The following TMPRSS3 variants were observed in gnomAD, a reference collection of about 807,000 sequenced individuals.
TMPRSS3 encodes transmembrane serine protease 3, also known as transmembrane protease serine 3.
In TMPRSS3, 55 loss-of-function variants were observed where a neutral mutation model predicts 59.6. The observed-to-expected ratio is 0.92, with a 90% CI of 0.74 to 1.16. The LOEUF is 1.16. Among genes scored for constraint, TMPRSS3 ranks in the 50% most tolerant of loss-of-function variants. The pLI is 0.00. For synonymous variants in TMPRSS3, 257 were observed against 237.7 expected, an observed-to-expected ratio of 1.08 and a Z score of -0.75; for missense variants, 596 against 579.4, an observed-to-expected ratio of 1.03 and a Z score of -0.29.
rs145109634 is a variant in TMPRSS3 at position 42,383,997 on chromosome 21, C to G, written c.589G>C (p.Gly197Arg). 1 of 1,614,036 alleles carries G rather than the reference C, an allele frequency of 6.2e-7. No individual in the cohort carries two copies. Among genetic ancestry groups the G allele is most frequent in the African/African-American group, 1.3e-5 (1 of 74,998 alleles). The change falls in exon 7 of 13, where the codon GGC becomes CGC. Residue 197 changes from glycine to arginine, a missense_variant. By Grantham distance (125) the Gly-to-Arg change is moderately radical. Transcript: ENST00000644384. The part of the protein sequence containing the change: ...SVYVREGCAS[G>R]HVVTLQCTAC... ...GTGCACTGCAAGGTAACCACGTGGC[C>G]AGAGGCACATCCCTCCCTAAAGCGG...
chr21:42,376,895 G>A (rs1181901689), intron 10 of TMPRSS3, among the ~76,000 whole-genome samples: 3 of 152,158 alleles, frequency 2.0e-5, no homozygotes, highest in Admixed American at 1.3e-4. Flanking sequence ...GCCCTCCTAC[G>A]AGTGGCCGCA....
intron 9 of TMPRSS3, among the ~76,000 whole-genome samples, chr21:42,380,719 G>T (rs576662739): frequency 2.6e-5 from 4 of 152,334 alleles, no homozygotes; most frequent in African/African-American, 9.6e-5. Context: ...TATGGTTCCT[G>T]GGATATCTGG....
At chr21:42,381,505 C>T (rs1299435701) in intron 9 of TMPRSS3, among the ~76,000 whole-genome samples, 1 of 152,232 alleles carries the variant, frequency 6.6e-6, no homozygotes, top group African/African-American at 2.4e-5. Flanking sequence ...CCACAATAGG[C>T]TCCTGGACAG....
At chr21:42,390,239 G>A in intron 2 of TMPRSS3, 1 of 596,978 alleles carries the variant, frequency 1.7e-6, no homozygotes, top group Non-Finnish European at 3.0e-6. Flanking sequence ...CTCTGACCCG[G>A]TTATTCCATG....
rs1488926621 is a variant in TMPRSS3, at chr21:42,388,636, C to T, written c.323-110G>A. Reference sequence around the variant, plus strand: ...AACCCCTCCTCTGCCAAATCTGACCCACTTCTTGTCCACGGCAGCCTCCCC... The same window carrying T: ...AACCCCTCCTCTGCCAAATCTGACCTACTTCTTGTCCACGGCAGCCTCCCC... On this transcript the variant is annotated intron_variant, in intron 4 of 12. Coordinates refer to ENST00000644384, the MANE Select transcript of TMPRSS3 (RefSeq NM_001256317.3). This position sits in a 1 kb window ranked among gnomAD's most constrained non-coding sequence, Gnocchi z 5.1. 12 of 1,512,470 alleles carry T rather than the reference C, an allele frequency of 7.9e-6. No homozygotes were observed. The East Asian group carries it at 2.7e-4, about 34-fold the overall frequency. The allele number at this position is 1,512,470 out of a possible 1,614,324, so 93.7% of individuals were successfully genotyped here. A position where few individuals can be genotyped will look rare whatever the true frequency, so the allele number is the denominator to read the frequency against.
rs753888106 is a variant in TMPRSS3 at position 42,388,800 on chromosome 21, C to T, written c.322+129G>A. ...GCCCAACATGTCTTTGGGCAAACGCCAGTTCAATCCCAGCTGAAGACATGA... is the reference window on the plus strand; with the variant it reads ...GCCCAACATGTCTTTGGGCAAACGCTAGTTCAATCCCAGCTGAAGACATGA... On this transcript the variant is annotated intron_variant, in intron 4 of 12. Transcript: ENST00000644384. The surrounding 1 kb of genome is among the most constrained non-coding windows in gnomAD (Gnocchi z 5.1). 19 of 995,154 alleles carry T rather than the reference C, an allele frequency of 1.9e-5. No individual in the cohort carries two copies. The highest frequency in any genetic ancestry group is 3.0e-5 in the Non-Finnish European group (19 of 631,454). The allele number at this position is 995,154 out of a possible 1,614,324, so 61.6% of individuals were successfully genotyped here.
At chr21:42,395,526 T>A in intron 1 of TMPRSS3, 58 bp from the exon 2 acceptor site, 2 of 944,534 alleles carry the variant, frequency 2.1e-6, no homozygotes, top group South Asian at 1.4e-5. Flanking sequence ...TAGCATCAGG[T>A]GCATCTTGGT....
chr21:42,389,517 C>T (rs2052697617), intron 3 of TMPRSS3, among the ~76,000 whole-genome samples: 1 of 152,218 alleles, frequency 6.6e-6, no homozygotes, highest in Admixed American at 6.5e-5. Flanking sequence ...TATTAGAGAC[C>T]CTCCATCCAA....
At chr21:42,393,419 C>A (rs117654486) in intron 2 of TMPRSS3, among the ~76,000 whole-genome samples, 2 of 152,274 alleles carry the variant, frequency 1.3e-5, no homozygotes, top group East Asian at 3.9e-4. Context: ...AACTTAGACA[C>A]CGGAAAGCTC....
intron 2 of TMPRSS3, among the ~76,000 whole-genome samples, chr21:42,392,814 A>C (rs566324054): frequency 6.6e-6 from 1 of 152,354 alleles, no homozygotes; most frequent in Admixed American, 6.5e-5. Context: ...TTGGATTTAG[A>C]AAATGACCCC....
In TMPRSS3 at chr21:42,388,867, A is replaced by G; in HGVS notation, c.322+62T>C. The G allele has an allele frequency of 7.2e-7, 1 of 1,386,136 alleles. No homozygotes were observed. The highest frequency in any genetic ancestry group is 1.0e-6 in the Non-Finnish European group (1 of 973,168). 85.9% of individuals were successfully genotyped at this position (1,386,136 alleles called of 1,614,324 possible). ...ACTTGGACCCATTTTACAGATGGGA[A>G]GGGTCAGGGTTGGCTTCTGCTGCTT... On this transcript the variant is annotated intron_variant, in intron 4 of 12. Coordinates refer to ENST00000644384, the MANE Select transcript of TMPRSS3 (RefSeq NM_001256317.3). This position sits in a 1 kb window ranked among gnomAD's most constrained non-coding sequence, Gnocchi z 5.1.
intron 6 of TMPRSS3, among the ~76,000 whole-genome samples, chr21:42,385,096 C>G (rs912976790): frequency 3.4e-5 from 5 of 145,104 alleles, no homozygotes; most frequent in African/African-American, 1.1e-4. Context: ...TCCCCACCCC[C>G]CTTCTTGCTT....
chr21:42,395,537 C>A, intron 1 of TMPRSS3, 69 bp from the exon 2 acceptor site: 2 of 888,160 alleles, frequency 2.3e-6, no homozygotes, highest in South Asian at 2.8e-5. Flanking sequence ...GCATCTTGGT[C>A]ATACGGTAAA....
chr21:42,382,053 A>T lies in TMPRSS3; in HGVS notation c.952+12T>A. 1 of 1,614,188 alleles carries T rather than the reference A, an allele frequency of 6.2e-7. No homozygotes were observed. The highest frequency in any genetic ancestry group is 2.2e-5 in the East Asian group (1 of 44,888). On this transcript the variant is annotated intron_variant, in intron 9 of 12. Transcript: ENST00000644384. ...GGAAGAGCTGCAGAACCACATAGAG[A>T]CCCAGATGTACCATTGAACGTGAGT...
At chr21:42,384,066 G>T in intron 6 of TMPRSS3, 53 bp from the exon 7 acceptor site, 1 of 1,574,008 alleles carries the variant, frequency 6.4e-7, no homozygotes, top group Non-Finnish European at 8.7e-7. Context: ...TCTGTGAAAG[G>T]AACACTCTTA....
intron 7 of TMPRSS3, 145 bp from the exon 8 acceptor site, chr21:42,383,343 AG>A: frequency 1.2e-6 from 1 of 856,030 alleles, no homozygotes. Flanking sequence ...AAGTGCTGCA[AG>A]GGGGAGCTCA....
intron 5 of TMPRSS3, among the ~76,000 whole-genome samples, chr21:42,386,448 C>T (rs570565828): frequency 1.0e-3 from 152 of 152,304 alleles, no homozygotes; most frequent in Admixed American, 2.0e-3. Flanking sequence ...ATGAAAGAGC[C>T]GATGGTTGCT....
rs371778905 is a variant in TMPRSS3, at chr21:42,395,468, C to T, written c.-51G>A. 6.7e-7 allele frequency: 1 copy of T among 1,481,674 alleles called. No homozygotes were observed. Among genetic ancestry groups the T allele is most frequent in the East Asian group, 2.3e-5 (1 of 44,174 alleles). 91.8% of individuals were successfully genotyped at this position (1,481,674 alleles called of 1,614,324 possible). On this transcript the variant is annotated splice_region_variant and 5_prime_UTR_variant, in exon 2 of 13. It removes an upstream start codon present in the reference 5' UTR. Coordinates refer to ENST00000644384, the MANE Select transcript of TMPRSS3 (RefSeq NM_001256317.3). Reference sequence around the variant, plus strand: ...TCCGGCTCCGCCTCCACCTCTACCTCCTTAGCCGAGGAAGAACAGAAAGCA... The same window carrying T: ...TCCGGCTCCGCCTCCACCTCTACCTTCTTAGCCGAGGAAGAACAGAAAGCA...
At chr21:42,376,390 C>A in intron 11 of TMPRSS3, 151 bp downstream of exon 11, 1 of 1,169,670 alleles carries the variant, frequency 8.5e-7, no homozygotes, top group Non-Finnish European at 1.2e-6. Context: ...ACAGGGCTGG[C>A]AGCCAGGAAA....
Sources: gnomAD v4.1 joint callset for allele counts (sites outside exome capture counted in the v4.1 genomes callset) on GRCh38, gnomAD v4.1.1 for gene constraint, Gnocchi (gnomAD v3.1) non-coding constraint, MANE v1.5 for transcripts, NCBI Gene and HGNC (gene_info 2026-07-23, HGNC 2026-07-21) for gene names.